Variants in ABCA1 observed in about 807,000 individuals in gnomAD.
ABCA1 encodes the protein phospholipid-transporting ATPase ABCA1.
A neutral mutation model predicts 262.5 loss-of-function variants in ABCA1; 133 were observed. The observed-to-expected ratio is 0.51, with a 90% CI of 0.44 to 0.59. ABCA1 has a LOEUF of 0.59. Ranked by LOEUF, ABCA1 falls within the 20% of genes least tolerant of loss-of-function variation. ABCA1 has a pLI of 0.00. For synonymous variants in ABCA1, 1,022 were observed against 1,043.5 expected (o/e 0.98, Z 0.40); for missense variants, 2,452 against 2,777.5 (o/e 0.88, Z 2.63).
chr9:104,894,646 C>A (rs1465058366), intron 2 of ABCA1, among the ~76,000 whole-genome samples: 1 of 152,208 alleles, frequency 6.6e-6, no homozygotes, highest in Admixed American at 6.5e-5. Context: ...TTCAAAGCCA[C>A]TCTGACTGAA....
At chr9:104,791,122 A>G in intron 43 of ABCA1, 94 bp from the exon 44 acceptor site, 1 of 822,380 alleles carries the variant, frequency 1.2e-6, no homozygotes. Context: ...CAATTCTTAA[A>G]TATCAGAGAA....
intron 3 of ABCA1, among the ~76,000 whole-genome samples, chr9:104,886,627 G>A (rs1009856852): frequency 6.6e-6 from 1 of 152,222 alleles, no homozygotes; most frequent in Admixed American, 6.5e-5. Context: ...TGGCATAGGT[G>A]AAAAGCAGCA....
chr9:104,796,300 G>A lies in ABCA1; in HGVS notation c.5237+9C>T, dbSNP rs748956226. On this transcript the variant is annotated intron_variant, in intron 38 of 49. Transcript: ENST00000374736. ...CACTGTGCAGCTCCCTCACTCAGAG[G>A]TGACTTACCCATACAGCAAAAGTAG... 2.5e-6 allele frequency: 4 copies of A among 1,613,964 alleles called. No individual in the cohort carries two copies. The highest frequency in any genetic ancestry group is 2.7e-5 in the African/African-American group (2 of 74,946).
intron 13 of ABCA1, 27 bp downstream of exon 13, chr9:104,831,595 A>T (rs1167500746): frequency 6.3e-7 from 1 of 1,595,772 alleles, no homozygotes; most frequent in Non-Finnish European, 8.6e-7. Context: ...CCCCAAGACC[A>T]GGCTGGTGTG....
chr9:104,913,338 T>C lies in ABCA1; in HGVS notation c.-92-9567A>G, dbSNP rs566853542. ...TGGGTTTGAATCCTGACTCTGCTACTCACCAGCTCTGGAACCCTAGGGACT... is the reference window on the plus strand; with the variant it reads ...TGGGTTTGAATCCTGACTCTGCTACCCACCAGCTCTGGAACCCTAGGGACT... On this transcript the variant is annotated intron_variant, in intron 1 of 49. Transcript: ENST00000374736. Among the ~76,000 whole-genome samples the C allele has an allele frequency of 3.3e-3, 502 of 152,344 alleles. 5 individuals carry two copies. The highest frequency in any genetic ancestry group is 0.012 in the African/African-American group (482 of 41,574).
At chr9:104,837,318 C>T (rs1335092828) in intron 10 of ABCA1, 110 bp downstream of exon 10, 3 of 1,459,846 alleles carry the variant, frequency 2.1e-6, no homozygotes, top group Non-Finnish European at 2.8e-6. Context: ...CTGGGAATTC[C>T]AGAAGAGCCG....
At chr9:104,862,077 TACAC>T (rs1204463779) in intron 5 of ABCA1, among the ~76,000 whole-genome samples, 1 of 88,926 alleles carries the variant, frequency 1.1e-5, no homozygotes, top group African/African-American at 4.7e-5. Context: ...CACACACACA[TACAC>T]ACACACACAG....
Position 104,861,673 on chromosome 9 carries a change from G to A in ABCA1, c.543+6C>T. ...CCTACTGAGGAAGCTGGAGGCATCA[G>A]CTTACCTTGTGGAGAATGACATCAG... is the stretch of plus-strand genomic sequence containing the variant. On this transcript the variant is annotated splice_donor_region_variant and intron_variant, in intron 6 of 49. Transcript: ENST00000374736. 1 of 1,614,148 alleles carries A rather than the reference G, an allele frequency of 6.2e-7. No homozygotes were observed. Among genetic ancestry groups the A allele is most frequent in the South Asian group, 1.1e-5 (1 of 91,076 alleles).
Position 104,850,730 on chromosome 9 carries a change from A to C in ABCA1, c.721-5161T>G, listed in dbSNP as rs376479713. Among the ~76,000 whole-genome samples the C allele has an allele frequency of 1.8e-3, 276 of 152,316 alleles. 4 individuals are homozygous for C. The South Asian group carries it at 0.033, about 18-fold the overall frequency. On this transcript the variant is annotated intron_variant, in intron 7 of 49. Coordinates refer to ENST00000374736, the MANE Select transcript of ABCA1 (RefSeq NM_005502.4). ...ATGCTTACTTGACGAAGGCAGACAA[A>C]ACTTGCCAAATCCTATTTCCAAAGA...
intron 32 of ABCA1, 23 bp downstream of exon 32, chr9:104,804,603 G>A (rs529574853): frequency 1.3e-6 from 2 of 1,592,726 alleles, no homozygotes; most frequent in East Asian, 4.5e-5. Context: ...ATACGGCAGG[G>A]GCCAAGTTTA....
In ABCA1 at chr9:104,781,069, G is replaced by A. The variant is rs150637873; in HGVS notation, c.*3246C>T. 1 of 152,646 alleles carries A rather than the reference G, an allele frequency of 6.6e-6. No individual in the cohort carries two copies. Among genetic ancestry groups the A allele is most frequent in the East Asian group, 1.9e-4 (1 of 5,174 alleles). The allele number at this position is 152,646 out of a possible 1,614,324, so 9.5% of individuals were successfully genotyped here. A position where few individuals can be genotyped will look rare whatever the true frequency, so the allele number is the denominator to read the frequency against. On this transcript the variant is annotated 3_prime_UTR_variant, in exon 50 of 50. Coordinates refer to ENST00000374736, the MANE Select transcript of ABCA1 (RefSeq NM_005502.4). Reference sequence around the variant, plus strand: ...TCATTATATTACAACATAGAAATATGCATTTTAATACTTCATATAAAGTTA... The same window carrying A: ...TCATTATATTACAACATAGAAATATACATTTTAATACTTCATATAAAGTTA...
intron 5 of ABCA1, among the ~76,000 whole-genome samples, chr9:104,876,281 T>G (rs1194042035): frequency 1.3e-5 from 2 of 152,146 alleles, no homozygotes; most frequent in African/African-American, 4.8e-5. Flanking sequence ...AGAGCCTCGC[T>G]AAGTGTGGAA....
chr9:104,833,602 G>A (rs1833538722), intron 11 of ABCA1, among the ~76,000 whole-genome samples: 1 of 152,120 alleles, frequency 6.6e-6, no homozygotes, highest in South Asian at 2.1e-4. Flanking sequence ...TAGGCCCTCT[G>A]TTTCTAGTGC....
At chr9:104,835,190 G>T (rs1420702649) in intron 11 of ABCA1, among the ~76,000 whole-genome samples, 2 of 151,502 alleles carry the variant, frequency 1.3e-5, no homozygotes, top group African/African-American at 4.9e-5. Flanking sequence ...GGAGGCTGTG[G>T]TGAGCCAAGA....
intron 12 of ABCA1, 33 bp downstream of exon 12, chr9:104,832,541 G>C (rs1364174690): frequency 6.2e-7 from 1 of 1,611,526 alleles, no homozygotes; most frequent in South Asian, 1.1e-5. Context: ...AAGCCGTTAA[G>C]TCTTTTCTAA....
chr9:104,910,968 A>C (rs1187816160), intron 1 of ABCA1, among the ~76,000 whole-genome samples: 1 of 152,156 alleles, frequency 6.6e-6, no homozygotes, highest in Non-Finnish European at 1.5e-5. Flanking sequence ...CAGCCTCCCA[A>C]AGTAATGGGA....
At chr9:104,810,266 CA>C (rs1831165757) in intron 29 of ABCA1, among the ~76,000 whole-genome samples, 1 of 151,128 alleles carries the variant, frequency 6.6e-6, no homozygotes, top group African/African-American at 2.4e-5. Flanking sequence ...CTCCTGCTAA[CA>C]AGACCCAGAA....
intron 5 of ABCA1, among the ~76,000 whole-genome samples, chr9:104,872,882 A>T (rs1458841010): frequency 6.6e-6 from 1 of 152,276 alleles, no homozygotes; most frequent in African/African-American, 2.4e-5. Context: ...GTGGGGATAC[A>T]CACTATTCTG....
At position 104,861,791 on chromosome 9, in the gene ABCA1, A is replaced by C; in HGVS notation, c.431T>G (p.Leu144Arg). 6.2e-7 allele frequency: 1 copy of C among 1,613,570 alleles called. No individual in the cohort carries two copies. The highest frequency in any genetic ancestry group is 8.5e-7 in the Non-Finnish European group (1 of 1,179,636). The change falls in exon 6 of 50, where the codon CTT becomes CGT. Residue 144 changes from leucine to arginine, a missense_variant. This residue lies in a region of ABCA1 where 1,032 missense variants were observed against 1,089.7 expected (regional missense o/e 0.95). Transcript: ENST00000374736. The stretch of plus-strand genomic sequence containing the variant: ...TTCATTGTCCACCAGGAAATCTTGA[A>C]GCTTCAAGTCTATTGAGAAATAGTG... ...QIKKSSSNLK[L>R]QDFLVDNETF... is the part of the protein sequence containing the mutation.
Sources: gnomAD v4.1 joint callset for allele counts (sites outside exome capture counted in the v4.1 genomes callset) on GRCh38, gnomAD v4.1.1 for gene constraint, gnomAD v4.1.1 regional missense constraint, MANE v1.5 for transcripts, NCBI Gene and HGNC (gene_info 2026-07-23, HGNC 2026-07-21) for gene names.